Variants in NPAS3 observed in about 807,000 individuals in gnomAD.
NPAS3 encodes neuronal PAS domain-containing protein 3.
NPAS3 carries 14 observed loss-of-function variants against 73.1 expected under a neutral mutation model. The ratio of observed to expected loss-of-function variants is 0.19; its 90% CI spans 0.13 to 0.30. The LOEUF is 0.30. Ranked by LOEUF, NPAS3 falls within the 10% of genes least tolerant of loss-of-function variation. The pLI, the probability that NPAS3 is intolerant of heterozygous loss-of-function variation, is 1.00. For missense variants in NPAS3, 1,096 were observed against 1,250.0 expected, an observed-to-expected ratio of 0.88 and a Z score of 1.86; for synonymous variants, 620 against 541.5, an observed-to-expected ratio of 1.14 and a Z score of -2.01.
At chr14:33,353,019 T>C (rs2045148507) in intron 3 of NPAS3, among the ~76,000 whole-genome samples, 2 of 152,098 alleles carry the variant, frequency 1.3e-5, no homozygotes, top group Admixed American at 1.3e-4. Flanking sequence ...CAAGTTGAGG[T>C]CAGCATTTAG....
chr14:33,492,159 AC>A (rs2051929350), intron 4 of NPAS3, among the ~76,000 whole-genome samples: 1 of 152,120 alleles, frequency 6.6e-6, no homozygotes, highest in Non-Finnish European at 1.5e-5. Context: ...CAGATGTGTA[AC>A]CCCATTAACA....
chr14:33,385,356 A>T (rs1307973739), intron 4 of NPAS3, among the ~76,000 whole-genome samples: 2 of 152,122 alleles, frequency 1.3e-5, no homozygotes, highest in African/African-American at 4.8e-5. Flanking sequence ...TTTCATGCTA[A>T]TTTTCCCTGT....
chr14:33,651,569 C>T (rs2058995070), intron 5 of NPAS3, among the ~76,000 whole-genome samples: 1 of 152,090 alleles, frequency 6.6e-6, no homozygotes, highest in Admixed American at 6.5e-5. Flanking sequence ...AAGTATATAG[C>T]TTTGAGGTCA....
intron 3 of NPAS3, among the ~76,000 whole-genome samples, chr14:33,282,544 C>A (rs1235026029): frequency 6.6e-6 from 1 of 152,154 alleles, no homozygotes; most frequent in African/African-American, 2.4e-5. Flanking sequence ...ATTAGGACAG[C>A]CATGTTTTAA....
intron 9 of NPAS3, among the ~76,000 whole-genome samples, chr14:33,780,294 A>G (rs998707222): frequency 4.6e-5 from 7 of 152,160 alleles, no homozygotes; most frequent in African/African-American, 9.7e-5. Context: ...TTAATTGGGG[A>G]AAAAAATGAT....
chr14:33,112,163 A>C (rs1341148812), intron 2 of NPAS3, among the ~76,000 whole-genome samples: 1 of 152,202 alleles, frequency 6.6e-6, no homozygotes, highest in Non-Finnish European at 1.5e-5. Context: ...AGCATGATTT[A>C]TAATCCTTTG....
At chr14:33,676,675 AC>A in intron 6 of NPAS3, among the ~76,000 whole-genome samples, 1 of 152,288 alleles carries the variant, frequency 6.6e-6, no homozygotes, top group South Asian at 2.1e-4. Flanking sequence ...GATTTGGAAT[AC>A]CCTCTTCATT....
intron 7 of NPAS3, among the ~76,000 whole-genome samples, chr14:33,736,887 A>G (rs1202243857): frequency 6.6e-6 from 1 of 152,184 alleles, no homozygotes; most frequent in Non-Finnish European, 1.5e-5. Flanking sequence ...TTTTTTTCAT[A>G]CCACAAACTA....
At chr14:33,770,111 C>G (rs991739274) in intron 7 of NPAS3, among the ~76,000 whole-genome samples, 5 of 152,068 alleles carry the variant, frequency 3.3e-5, no homozygotes, top group Non-Finnish European at 7.4e-5. Context: ...AGTGCCCCAC[C>G]ACCTGAGATC....
intron 2 of NPAS3, among the ~76,000 whole-genome samples, chr14:33,210,839 T>A (rs1057249769): frequency 6.6e-6 from 1 of 152,190 alleles, no homozygotes; most frequent in Non-Finnish European, 1.5e-5. Context: ...ATTAAATATA[T>A]TTTTATTTGA....
intron 5 of NPAS3, among the ~76,000 whole-genome samples, chr14:33,654,027 C>T (rs978570469): frequency 9.2e-5 from 14 of 152,174 alleles, no homozygotes; most frequent in Admixed American, 6.6e-5. Flanking sequence ...TCTTATAAGA[C>T]AGCCAGCAGT....
chr14:33,379,177 T>C (rs1406852610), intron 4 of NPAS3, among the ~76,000 whole-genome samples: 1 of 152,128 alleles, frequency 6.6e-6, no homozygotes, highest in Non-Finnish European at 1.5e-5. Flanking sequence ...TATATAATTA[T>C]GTATATGCAA....
chr14:33,382,596 A>T (rs1281375061), intron 4 of NPAS3, among the ~76,000 whole-genome samples: 1 of 152,170 alleles, frequency 6.6e-6, no homozygotes, highest in African/African-American at 2.4e-5. Context: ...CTTGTTATAT[A>T]TAAGGCTCAT....
chr14:33,331,387 T>C (rs940792479), intron 3 of NPAS3, among the ~76,000 whole-genome samples: 3 of 152,312 alleles, frequency 2.0e-5, no homozygotes, highest in Admixed American at 6.5e-5. Flanking sequence ...CTTTATGACT[T>C]AGCAGCATCA....
chr14:33,502,200 T>A (rs1595042495), intron 4 of NPAS3, among the ~76,000 whole-genome samples: 1 of 151,774 alleles, frequency 6.6e-6, no homozygotes, highest in African/African-American at 2.4e-5. Flanking sequence ...AACAGTGGGG[T>A]GATTTATGAA....
chr14:33,747,601 A>C (rs1199812304), intron 7 of NPAS3, among the ~76,000 whole-genome samples: 2 of 152,236 alleles, frequency 1.3e-5, no homozygotes, highest in Non-Finnish European at 2.9e-5. Context: ...AGTTACATCT[A>C]GGGAAGAAGC....
intron 3 of NPAS3, among the ~76,000 whole-genome samples, chr14:33,258,022 C>T (rs1346906337): frequency 6.6e-6 from 1 of 152,190 alleles, no homozygotes; most frequent in South Asian, 2.1e-4. Context: ...TTGGCTGACA[C>T]TTCCGGAGAG....
intron 3 of NPAS3, among the ~76,000 whole-genome samples, chr14:33,218,080 C>T (rs1431920675): frequency 2.0e-5 from 3 of 152,090 alleles, no homozygotes; most frequent in African/African-American, 4.8e-5. Flanking sequence ...GTGGTTGCTG[C>T]CCCCACGTTG....
intron 4 of NPAS3, among the ~76,000 whole-genome samples, chr14:33,531,281 A>G (rs533879771): frequency 1.2e-4 from 18 of 152,214 alleles, no homozygotes; most frequent in Middle Eastern, 6.8e-3. Context: ...TGTTTAAATT[A>G]ATGTAACCAC....
Sources: gnomAD v4.1 joint callset for allele counts (sites outside exome capture counted in the v4.1 genomes callset) on GRCh38, gnomAD v4.1.1 for gene constraint, MANE v1.5 for transcripts, NCBI Gene and HGNC (gene_info 2026-07-23, HGNC 2026-07-21) for gene names.